TRPM3: variants seen among roughly 807,000 people sequenced by gnomAD.
TRPM3 encodes the protein long transient receptor potential channel 3.
Under a neutral mutation model 181.2 loss-of-function variants are expected in TRPM3, and 77 were observed. The observed-to-expected ratio is 0.42, with a 90% CI of 0.35 to 0.51. The LOEUF is 0.51. TRPM3 is among the 20% of genes least tolerant of loss of function. TRPM3 has a pLI of 0.01. For synonymous variants in TRPM3, 745 were observed against 796.4 expected, an observed-to-expected ratio of 0.94 and a Z score of 1.09; for missense variants, 1,759 against 2,196.7, an observed-to-expected ratio of 0.80 and a Z score of 3.98.
exon 1 of TRPM3, chr9:71,446,762 C>A: frequency 3.9e-6 from 6 of 1,550,508 alleles, no homozygotes; most frequent in Non-Finnish European, 5.2e-6. Flanking sequence ...GCTGCGTCTG[C>A]GGCTCTCCGC....
At chr9:71,399,525 T>G (rs1424105289) in intron 1 of TRPM3, among the ~76,000 whole-genome samples, 1 of 115,012 alleles carries the variant, frequency 8.7e-6, no homozygotes, top group Non-Finnish European at 1.7e-5. Flanking sequence ...TATTTTCTTT[T>G]GTTTTTTTTT....
intron 22 of TRPM3, among the ~76,000 whole-genome samples, chr9:70,574,388 C>T (rs1226434409): frequency 6.6e-6 from 1 of 152,104 alleles, no homozygotes; most frequent in Non-Finnish European, 1.5e-5. Flanking sequence ...TGGCTATTTC[C>T]CCTGCCTGGG....
At chr9:71,363,312 A>G (rs913559053) in intron 1 of TRPM3, among the ~76,000 whole-genome samples, 130 of 152,338 alleles carry the variant, frequency 8.5e-4, no homozygotes, top group African/African-American at 3.0e-3. Flanking sequence ...TACTAGTCAA[A>G]TAAGTAGTTC....
chr9:71,121,597 G>A lies in TRPM3; in HGVS notation c.-243C>T. On this transcript the variant is annotated 5_prime_UTR_variant, in exon 1 of 26. Transcript: ENST00000677713. ...GCCTGCACAAAACAGCCTGTGGTCGGAGTCAAAGCAGCCTGCTCCAGAATG... is the reference window on the plus strand; with the variant it reads ...GCCTGCACAAAACAGCCTGTGGTCGAAGTCAAAGCAGCCTGCTCCAGAATG... The A allele has an allele frequency of 7.8e-7, 1 of 1,276,644 alleles. No individual in the cohort carries two copies. Among genetic ancestry groups the A allele is most frequent in the Non-Finnish European group, 9.9e-7 (1 of 1,011,594 alleles). The allele number at this position is 1,276,644 out of a possible 1,614,324, so 79.1% of individuals were successfully genotyped here.
chr9:70,903,820 A>G (rs1000757383), intron 1 of TRPM3, among the ~76,000 whole-genome samples: 2 of 152,196 alleles, frequency 1.3e-5, no homozygotes, highest in Non-Finnish European at 2.9e-5. Flanking sequence ...GAATGAGTTT[A>G]TGTAAATGTT....
intron 1 of TRPM3, among the ~76,000 whole-genome samples, chr9:70,969,174 A>G (rs1217415922): frequency 6.6e-6 from 1 of 152,076 alleles, no homozygotes; most frequent in African/African-American, 2.4e-5. Context: ...AATTACAAGA[A>G]CAGAAAACCA....
intron 1 of TRPM3, among the ~76,000 whole-genome samples, chr9:71,259,591 G>C (rs2082902813): frequency 6.6e-6 from 1 of 152,096 alleles, no homozygotes; most frequent in African/African-American, 2.4e-5. Context: ...ATTCTAACTG[G>C]TGTGAGGTGG....
chr9:71,081,192 TATA>T lies in TRPM3; in HGVS notation c.177+39983_177+39985del, dbSNP rs758631389. On this transcript the variant is annotated intron_variant, in intron 1 of 25. Transcript: ENST00000677713. ...TACAAGTATAAAGAGGAGCAATGGC[TATA>T]ATATGTCAACAGACTACCTGGAAAG... Among the ~76,000 whole-genome samples, 5 of 152,212 alleles carry T rather than the reference TATA, an allele frequency of 3.3e-5. No homozygotes were observed. In the South Asian group the frequency reaches 8.3e-4, roughly 25 times the overall value.
At chr9:70,815,911 C>A (rs1022734000) in intron 6 of TRPM3, among the ~76,000 whole-genome samples, 5 of 152,110 alleles carry the variant, frequency 3.3e-5, no homozygotes, top group Non-Finnish European at 7.4e-5. Flanking sequence ...AAGCCAGAAG[C>A]TGAGCCAAGA....
chr9:71,409,342 G>A (rs1001046828), intron 1 of TRPM3, among the ~76,000 whole-genome samples: 1 of 152,146 alleles, frequency 6.6e-6, no homozygotes, highest in Non-Finnish European at 1.5e-5. Flanking sequence ...AGACCCATCA[G>A]TGTGCTGTAT....
intron 3 of TRPM3, among the ~76,000 whole-genome samples, chr9:70,859,668 A>C (rs376704863): frequency 2.0e-5 from 3 of 152,168 alleles, no homozygotes; most frequent in African/African-American, 7.2e-5. Context: ...AATCGTTTGG[A>C]GTCTCAGTCT....
intron 1 of TRPM3, among the ~76,000 whole-genome samples, chr9:70,965,313 C>T (rs1338128877): frequency 6.6e-6 from 1 of 151,874 alleles, no homozygotes; most frequent in African/African-American, 2.4e-5. Flanking sequence ...AAAAGGTGGT[C>T]CCAGTAATAA....
intron 6 of TRPM3, among the ~76,000 whole-genome samples, chr9:70,805,583 A>T (rs2090506822): frequency 6.6e-6 from 1 of 150,748 alleles, no homozygotes; most frequent in Admixed American, 6.6e-5. Context: ...ACCACAAACC[A>T]GGTGGAAAGG....
At chr9:71,285,615 C>CTACT (rs1480636842) in intron 1 of TRPM3, among the ~76,000 whole-genome samples, 4 of 152,202 alleles carry the variant, frequency 2.6e-5, no homozygotes, top group Non-Finnish European at 4.4e-5. Flanking sequence ...CATCTCAGGG[C>CTACT]TACTTAGTCC....
rs942271508 is a variant in TRPM3 at position 70,678,344 on chromosome 9, T to C, written c.1345+3162A>G. Among the ~76,000 whole-genome samples the C allele has an allele frequency of 3.3e-5, 5 of 152,256 alleles. No homozygotes were observed. In the East Asian group the frequency reaches 9.7e-4, roughly 29 times the overall value. ...GTGCAGTGGTGCAATCGTGACTCACTGCAGCCATAACCTCCTGGGCTCAAG... is the reference window on the plus strand; with the variant it reads ...GTGCAGTGGTGCAATCGTGACTCACCGCAGCCATAACCTCCTGGGCTCAAG... On this transcript the variant is annotated intron_variant, in intron 9 of 25. Transcript: ENST00000677713.
At position 70,998,260 on chromosome 9, in the gene TRPM3, TA is replaced by T. The variant is rs1449788083; in HGVS notation, c.177+122917del. On this transcript the variant is annotated intron_variant, in intron 1 of 25. Transcript: ENST00000677713. ...ACACACACACACACACATATATATA[TA>T]TATATTTTTTTTAGTATTTTTCTTA... Among the ~76,000 whole-genome samples, 43 of 132,436 alleles carry T rather than the reference TA, an allele frequency of 3.2e-4. 2 individuals are homozygous for T. The highest frequency in any genetic ancestry group is 4.0e-3 in the Middle Eastern group (1 of 252). 86.9% of individuals were successfully genotyped at this position (132,436 alleles called of 152,430 possible).
chr9:70,838,132 T>A (rs1274272617), intron 5 of TRPM3, among the ~76,000 whole-genome samples: 1 of 152,188 alleles, frequency 6.6e-6, no homozygotes, highest in East Asian at 1.9e-4. Context: ...TTACAGAGTT[T>A]AAGTGGCATG....
At chr9:70,930,531 TA>T (rs2133401152) in intron 1 of TRPM3, among the ~76,000 whole-genome samples, 1 of 152,324 alleles carries the variant, frequency 6.6e-6, no homozygotes, top group South Asian at 2.1e-4. Context: ...TCTTAACATT[TA>T]AGTCACAGAA....
chr9:71,420,673 GAGAA>G lies in TRPM3; in HGVS notation c.183+25976_183+25979del, dbSNP rs1372544164. ...AGAGAAAGAAAAAGAGAAAGAAAGA[GAGAA>G]AGAAAGAGAAAGGGAAAGAGAAAGA... On this transcript the variant is annotated intron_variant, in intron 1 of 24. Coordinates refer to the TRPM3 transcript ENST00000357533. 3.6e-4 allele frequency among the ~76,000 whole-genome samples: 49 copies of G among 137,704 alleles called. 1 individual carries two copies. The highest frequency in any genetic ancestry group is 6.5e-4 in the East Asian group (3 of 4,626). 90.3% of individuals were successfully genotyped at this position (137,704 alleles called of 152,430 possible).
Sources: gnomAD v4.1 joint callset for allele counts (sites outside exome capture counted in the v4.1 genomes callset) on GRCh38, gnomAD v4.1.1 for gene constraint, MANE v1.5 for transcripts, NCBI Gene and HGNC (gene_info 2026-07-23, HGNC 2026-07-21) for gene names.